The following SLC6A2 variants were observed in gnomAD, a reference collection of about 807,000 sequenced individuals.
SLC6A2 encodes the protein solute carrier family 6 member 2.
A neutral mutation model predicts 71.7 loss-of-function variants in SLC6A2; 26 were observed. The ratio of observed to expected loss-of-function variants is 0.36; its 90% CI spans 0.27 to 0.50. The LOEUF (loss-of-function observed/expected upper bound fraction) is 0.50, where lower values mean the gene tolerates loss of function less well. SLC6A2 is among the 20% of genes least tolerant of loss of function. The pLI is 0.96. For synonymous variants in SLC6A2, 363 were observed against 337.9 expected (o/e 1.07, Z -0.82); for missense variants, 581 against 803.9 (o/e 0.72, Z 3.35).
chr16:55,690,565 C>A (rs2397772), intron 5 of SLC6A2, among the ~76,000 whole-genome samples: 1 of 151,992 alleles, frequency 6.6e-6, no homozygotes, highest in African/African-American at 2.4e-5. Context: ...CATGTTTCAG[C>A]TGAGTCCTCC....
chr16:55,669,804 G>A, intron 3 of SLC6A2, 108 bp downstream of exon 3: 1 of 1,246,092 alleles, frequency 8.0e-7, no homozygotes. Flanking sequence ...TGTCATGTGG[G>A]ATTCACAGGT....
At chr16:55,692,151 G>A (rs1329663854) in intron 6 of SLC6A2, 99 bp downstream of exon 6, 1 of 1,359,882 alleles carries the variant, frequency 7.4e-7, no homozygotes, top group African/African-American at 1.4e-5. Context: ...TGCCACAAAT[G>A]TGCAGTGTAG....
rs1567427491 is a variant in SLC6A2, at chr16:55,657,113, C to CA, written c.274+145_274+146insA. 38 of 816,722 alleles carry CA rather than the reference C, an allele frequency of 4.7e-5. No homozygotes were observed. In the South Asian group the frequency reaches 5.4e-4, roughly 12 times the overall value. The allele number at this position is 816,722 out of a possible 1,614,324, so 50.6% of individuals were successfully genotyped here. A position where few individuals can be genotyped will look rare whatever the true frequency, so the allele number is the denominator to read the frequency against. On this transcript the variant is annotated intron_variant, in intron 2 of 14. Transcript: ENST00000568943. The stretch of plus-strand genomic sequence containing the variant: ...CGCAGAAAGAACTGGACAGGGCTAA[C>CA]GGGAAAAAAAAAGATTGGAGTCCTC...
Position 55,685,200 on chromosome 16 carries a change from G to C in SLC6A2, c.702G>C (p.Gln234His), listed in dbSNP as rs1156456177. 1 of 1,614,158 alleles carries C rather than the reference G, an allele frequency of 6.2e-7. No individual in the cohort carries two copies. The highest frequency in any genetic ancestry group is 2.2e-5 in the East Asian group (1 of 44,880). ...GGATTCATGACATCGGCCTGCCCCA[G>C]TGGCAGCTCTTGCTCTGTCTGATGG... ...SSGIHDIGLPQWQLLLCLMVV... is the reference protein window; with the variant it reads ...SSGIHDIGLPHWQLLLCLMVV... The change falls in exon 5 of 15, where the codon CAG (glutamine) becomes CAC (histidine). Residue 234 changes from glutamine (Q) to histidine (H), a missense_variant. Gln to His is a conservative substitution (Grantham distance 24). Coordinates refer to ENST00000568943, the MANE Select transcript of SLC6A2 (RefSeq NM_001172501.3).
In SLC6A2 at chr16:55,695,381, A is replaced by C. The variant is rs749688238; in HGVS notation, c.1126A>C (p.Ile376Leu). The C allele has an allele frequency of 6.2e-7, 1 of 1,613,972 alleles. No individual in the cohort carries two copies. The highest frequency in any genetic ancestry group is 8.5e-7 in the Non-Finnish European group (1 of 1,179,972). The change falls in exon 8 of 15, where the codon ATT (isoleucine) becomes CTT (leucine). Residue 376 changes from isoleucine (I) to leucine (L), a missense_variant. By Grantham distance (5) the Ile-to-Leu change is conservative. Coordinates refer to ENST00000568943, the MANE Select transcript of SLC6A2 (RefSeq NM_001172501.3). ...GYMAHEHKVN[I>L]EDVATEGAGL... is the part of the protein sequence containing the mutation. ...CATGGCCCATGAACACAAGGTCAAC[A>C]TTGAGGATGTGGCCACAGAAGGTGG...
intron 3 of SLC6A2, 88 bp downstream of exon 3, chr16:55,669,784 G>A (rs894781825): frequency 2.1e-5 from 30 of 1,410,674 alleles, no homozygotes; most frequent in Non-Finnish European, 2.8e-5. Flanking sequence ...GAGATCTAAG[G>A]TAGACCTCCT....
chr16:55,702,311 C>G lies in SLC6A2; in HGVS notation c.1831-12C>G. 3 of 1,614,130 alleles carry G rather than the reference C, an allele frequency of 1.9e-6. No homozygotes were observed. The highest frequency in any genetic ancestry group is 2.5e-6 in the Non-Finnish European group (3 of 1,179,956). On this transcript the variant is annotated splice_polypyrimidine_tract_variant and intron_variant, in intron 14 of 14. Coordinates refer to ENST00000568943, the MANE Select transcript of SLC6A2 (RefSeq NM_001172501.3). ...CACCATGTCATCAAGTCCTCGCTGT[C>G]TTTCTCTGCAGTTGCAACACTGGCT...
intron 6 of SLC6A2, 117 bp from the exon 7 acceptor site, chr16:55,693,893 A>G: frequency 1.3e-6 from 1 of 793,986 alleles, no homozygotes; most frequent in South Asian, 1.4e-5. Flanking sequence ...TCTCTGGTTC[A>G]GACCATGTTT....
At chr16:55,672,872 T>C (rs1412758801) in intron 4 of SLC6A2, among the ~76,000 whole-genome samples, 1 of 152,196 alleles carries the variant, frequency 6.6e-6, no homozygotes, top group Non-Finnish European at 1.5e-5. Context: ...AAAGAAACTT[T>C]TATGTTGAAA....
rs926079888 is a variant in SLC6A2, at chr16:55,704,756, C to G, written c.*2410C>G. ...CCCTTCTGCCTCCAGACATTTGTCCCGGGGTGAATCGGAGATGTGGTGCTA... is the reference window on the plus strand; with the variant it reads ...CCCTTCTGCCTCCAGACATTTGTCCGGGGGTGAATCGGAGATGTGGTGCTA... On this transcript the variant is annotated 3_prime_UTR_variant, in exon 15 of 15. Transcript: ENST00000568943. The G allele has an allele frequency of 6.5e-6, 1 of 153,600 alleles. No individual in the cohort carries two copies. The highest frequency in any genetic ancestry group is 1.4e-5 in the Non-Finnish European group (1 of 69,024). The allele number at this position is 153,600 out of a possible 1,614,324, so 9.5% of individuals were successfully genotyped here. A position where few individuals can be genotyped will look rare whatever the true frequency, so the allele number is the denominator to read the frequency against.
In SLC6A2 at chr16:55,700,244, A is replaced by G; in HGVS notation, c.1696A>G (p.Met566Val). The G allele has an allele frequency of 6.2e-7, 1 of 1,613,744 alleles. No homozygotes were observed. The highest frequency in any genetic ancestry group is 8.5e-7 in the Non-Finnish European group (1 of 1,179,880). ...WVGWGIALSS[M>V]VLVPIYVIYK... is the part of the protein sequence containing the mutation. ...GGGGTGGGGCATCGCCCTGTCCTCC[A>G]TGGTCCTGGTGCCCATCTACGTCAT... The change falls in exon 13 of 15, where the codon ATG becomes GTG. Residue 566 changes from methionine (M) to valine (V), a missense_variant. Physicochemically the swap from Met to Val is conservative, Grantham distance 21. This residue lies in a region of SLC6A2 where 334 missense variants were observed against 449.0 expected (regional missense o/e 0.74). Coordinates refer to ENST00000568943, the MANE Select transcript of SLC6A2 (RefSeq NM_001172501.3).
chr16:55,658,750 G>A (rs1003525328), intron 2 of SLC6A2, among the ~76,000 whole-genome samples: 11 of 152,220 alleles, frequency 7.2e-5, no homozygotes, highest in African/African-American at 2.4e-4. Context: ...GGCATCTGAG[G>A]TCTGGGGCCT....
In SLC6A2 at chr16:55,656,590, T is replaced by C; in HGVS notation, c.-51-54T>C. 6.8e-7 allele frequency: 1 copy of C among 1,462,346 alleles called. No homozygotes were observed. Among genetic ancestry groups the C allele is most frequent in the Non-Finnish European group, 9.5e-7 (1 of 1,052,276 alleles). 90.6% of individuals were successfully genotyped at this position (1,462,346 alleles called of 1,614,324 possible). A position where few individuals can be genotyped will look rare whatever the true frequency, so the allele number is the denominator to read the frequency against. On this transcript the variant is annotated intron_variant, in intron 1 of 14. Coordinates refer to ENST00000568943, the MANE Select transcript of SLC6A2 (RefSeq NM_001172501.3). The surrounding 1 kb of genome is among the most constrained non-coding windows in gnomAD (Gnocchi z 4.5). ...GGCGCTCCCGGGTGGTCTTGGGAGT[T>C]GCAAGTAGGGAGGAACGGCCGGGTA...
At chr16:55,692,600 G>T (rs1190467321) in intron 6 of SLC6A2, among the ~76,000 whole-genome samples, 1 of 152,220 alleles carries the variant, frequency 6.6e-6, no homozygotes. Flanking sequence ...GTGCAGAGCA[G>T]TGATGGTGGG....
chr16:55,700,232 G>A lies in SLC6A2; in HGVS notation c.1684G>A (p.Ala562Thr), dbSNP rs144701163. 43 of 1,613,924 alleles carry A rather than the reference G, an allele frequency of 2.7e-5. No individual in the cohort carries two copies. Among genetic ancestry groups the A allele is most frequent in the Non-Finnish European group, 3.5e-5 (41 of 1,179,966 alleles). Residue 562 changes from alanine (A) to threonine (T), a missense_variant, in exon 13 of 15, where the codon GCC (alanine) becomes ACC (threonine). Physicochemically the swap from Ala to Thr is moderately conservative, Grantham distance 58. Around this residue, in one of 5 missense-constraint regions of SLC6A2, gnomAD observed 334 missense variants for 449.0 expected, o/e 0.74. Transcript: ENST00000568943. ...GGCCAACTGGGTGGGGTGGGGCATC[G>A]CCCTGTCCTCCATGGTCCTGGTGCC... ...PWANWVGWGI[A>T]LSSMVLVPIY...
intron 2 of SLC6A2, among the ~76,000 whole-genome samples, chr16:55,664,763 C>T (rs1481278714): frequency 8.5e-5 from 13 of 152,188 alleles, no homozygotes; most frequent in African/African-American, 3.1e-4. Context: ...CATAGCAGGG[C>T]TGAGGGACAG....
At chr16:55,665,812 C>G (rs1964733936) in intron 2 of SLC6A2, among the ~76,000 whole-genome samples, 1 of 152,216 alleles carries the variant, frequency 6.6e-6, no homozygotes, top group Non-Finnish European at 1.5e-5. Context: ...CTTCCAGAGC[C>G]CTTCTGTACC....
intron 4 of SLC6A2, among the ~76,000 whole-genome samples, chr16:55,679,470 A>C (rs906799129): frequency 6.6e-6 from 1 of 151,918 alleles, no homozygotes. Flanking sequence ...CAAGTGATCC[A>C]CCCGCCTTGG....
chr16:55,683,979 T>C (rs1379132280), intron 4 of SLC6A2, among the ~76,000 whole-genome samples: 9 of 152,144 alleles, frequency 5.9e-5, no homozygotes. Flanking sequence ...GCTAGAGCCA[T>C]CCCTCTGGAG....
Sources: gnomAD v4.1 joint callset for allele counts (sites outside exome capture counted in the v4.1 genomes callset) on GRCh38, gnomAD v4.1.1 for gene constraint, gnomAD v4.1.1 regional missense constraint, Gnocchi (gnomAD v3.1) non-coding constraint, MANE v1.5 for transcripts, NCBI Gene and HGNC (gene_info 2026-07-23, HGNC 2026-07-21) for gene names.